The following SCAMP4 variants were observed in gnomAD, a reference collection of about 807,000 sequenced individuals.
The protein encoded by SCAMP4 is secretory carrier membrane protein 4.
Under a neutral mutation model 32.1 loss-of-function variants are expected in SCAMP4, and 19 were observed. The observed-to-expected ratio is 0.59, with a 90% CI of 0.41 to 0.87. The LOEUF (loss-of-function observed/expected upper bound fraction) is 0.87, where lower values mean the gene tolerates loss of function less well. Ranked by LOEUF, SCAMP4 falls within the 40% of genes least tolerant of loss-of-function variation. SCAMP4 has a pLI of 0.00. For synonymous variants in SCAMP4, 152 were observed against 132.7 expected, an observed-to-expected ratio of 1.15 and a Z score of -1.00; for missense variants, 302 against 309.0, an observed-to-expected ratio of 0.98 and a Z score of 0.17.
chr19:1,910,053 T>C (rs960052054), intron 1 of SCAMP4, among the ~76,000 whole-genome samples: 1 of 152,238 alleles, frequency 6.6e-6, no homozygotes, highest in Admixed American at 6.5e-5. Flanking sequence ...ACACTTGGCA[T>C]GCTTGCTTTC....
intron 5 of SCAMP4, chr19:1,922,740 T>G: frequency 9.8e-7 from 1 of 1,019,376 alleles, no homozygotes. Context: ...TGAGGGAAAC[T>G]AATGGGGAAG....
chr19:1,923,776 A>G lies in SCAMP4; in HGVS notation c.514-332A>G, dbSNP rs7248568. 3.0e-3 allele frequency among the ~76,000 whole-genome samples: 366 copies of G among 120,250 alleles called. 16 individuals carry two copies. Among genetic ancestry groups the G allele is most frequent in the African/African-American group, 9.1e-3 (266 of 29,204 alleles). The allele number at this position is 120,250 out of a possible 152,430, so 78.9% of individuals were successfully genotyped here. On this transcript the variant is annotated intron_variant, in intron 6 of 6. Transcript: ENST00000316097. The stretch of plus-strand genomic sequence containing the variant: ...TGGGACTACAGGCGCCCGCTACCGC[A>G]CCTGGCTAATTATTTTGTTTTTGTA...
In SCAMP4 at chr19:1,925,867, C is replaced by T. The variant is rs2014082051; in HGVS notation, c.*1583C>T. 1 of 152,362 alleles carries T rather than the reference C, an allele frequency of 6.6e-6. No individual in the cohort carries two copies. Among genetic ancestry groups the T allele is most frequent in the South Asian group, 2.1e-4 (1 of 4,818 alleles). 9.4% of individuals were successfully genotyped at this position (152,362 alleles called of 1,614,324 possible). A position where few individuals can be genotyped will look rare whatever the true frequency, so the allele number is the denominator to read the frequency against. ...CAAGAGGCACCCCCTTCCCCAGCCT[C>T]TCGCCTGCACTGATGCAGACAAAAT... On this transcript the variant is annotated 3_prime_UTR_variant, in exon 7 of 7. Transcript: ENST00000316097.
chr19:1,925,795 C>CA lies in SCAMP4; in HGVS notation c.*1512dup, dbSNP rs1185320710. 1 of 152,768 alleles carries CA rather than the reference C, an allele frequency of 6.5e-6. No individual in the cohort carries two copies. The highest frequency in any genetic ancestry group is 2.4e-5 in the African/African-American group (1 of 41,428). The allele number at this position is 152,768 out of a possible 1,614,324, so 9.5% of individuals were successfully genotyped here. A position where few individuals can be genotyped will look rare whatever the true frequency, so the allele number is the denominator to read the frequency against. Reference sequence around the variant, plus strand: ...GCCAGGATGGAGCACCCATGGGTCTCACGGCCATGCTTCAGGGTCTTCAGG... The same window carrying CA: ...GCCAGGATGGAGCACCCATGGGTCTCAACGGCCATGCTTCAGGGTCTTCAGG... On this transcript the variant is annotated 3_prime_UTR_variant, in exon 7 of 7. Coordinates refer to ENST00000316097, the MANE Select transcript of SCAMP4 (RefSeq NM_079834.4).
At chr19:1,912,302 C>G in intron 1 of SCAMP4, 1 of 1,561,936 alleles carries the variant, frequency 6.4e-7, no homozygotes, top group Non-Finnish European at 8.6e-7. Context: ...TGCACCCGCT[C>G]CCCGCCCAGC....
chr19:1,913,334 GGGC>G, intron 1 of SCAMP4: 1 of 911,140 alleles, frequency 1.1e-6, no homozygotes. Context: ...TCGGTCATTG[GGGC>G]CACCCCGTGC....
At chr19:1,916,405 A>G (rs1228402501) in intron 2 of SCAMP4, among the ~76,000 whole-genome samples, 1 of 152,100 alleles carries the variant, frequency 6.6e-6, no homozygotes, top group Non-Finnish European at 1.5e-5. Flanking sequence ...CGTTCCTGAG[A>G]CACCTTGATC....
At chr19:1,923,609 A>C (rs2013988238) in intron 6 of SCAMP4, among the ~76,000 whole-genome samples, 2 of 143,204 alleles carry the variant, frequency 1.4e-5, no homozygotes, top group South Asian at 4.3e-4. Context: ...CAGTTACAGC[A>C]AAATGCTTTT....
chr19:1,919,641 C>CGTGT (rs2013856460), intron 5 of SCAMP4: 1 of 163,308 alleles, frequency 6.1e-6, no homozygotes. Flanking sequence ...GGACTACAGG[C>CGTGT]GCCCGCCACC....
At chr19:1,915,059 C>T (rs749554096) in intron 2 of SCAMP4, 33 bp downstream of exon 2, 13 of 1,612,802 alleles carry the variant, frequency 8.1e-6, no homozygotes, top group East Asian at 4.5e-5. Flanking sequence ...CCTCCAGCAG[C>T]GTGGGCGGGA....
chr19:1,920,038 C>T, intron 5 of SCAMP4: 1 of 575,834 alleles, frequency 1.7e-6, no homozygotes, highest in Non-Finnish European at 2.2e-6. Flanking sequence ...GTCTGAAACT[C>T]CTAACCTCGT....
chr19:1,912,853 C>T lies in SCAMP4; in HGVS notation c.-41-2126C>T, dbSNP rs748493151. ...CCCTTCCCCGCCTGCTCCTTCGCCC[C>T]GGCCGCTGCCCCCCAGGCCGTCCGC... On this transcript the variant is annotated intron_variant, in intron 1 of 6. Coordinates refer to ENST00000316097, the MANE Select transcript of SCAMP4 (RefSeq NM_079834.4). 1.2e-5 allele frequency: 19 copies of T among 1,597,092 alleles called. No homozygotes were observed. The highest frequency in any genetic ancestry group is 4.0e-5 in the African/African-American group (3 of 74,686).
chr19:1,918,147 G>A lies in SCAMP4; in HGVS notation c.157G>A (p.Val53Ile), dbSNP rs367794381. Reference protein sequence around the residue: ...LWMFYCATLGVNLIACLAWWI... With the variant: ...LWMFYCATLGINLIACLAWWI... The stretch of plus-strand genomic sequence containing the variant: ...CGCAGTTTACTGCGCCACCCTCGGC[G>A]TCAACCTCATTGCCTGCCTGGCCTG... Residue 53 changes from valine to isoleucine, a missense_variant, in exon 4 of 7, where the codon GTC (valine) becomes ATC (isoleucine). By Grantham distance (29) the Val-to-Ile change is conservative. Transcript: ENST00000316097. 14 of 1,612,544 alleles carry A rather than the reference G, an allele frequency of 8.7e-6. No homozygotes were observed. Among genetic ancestry groups the A allele is most frequent in the Admixed American group, 3.3e-5 (2 of 59,986 alleles).
Position 1,918,298 on chromosome 19 carries a change from C to G in SCAMP4, c.293+15C>G, listed in dbSNP as rs780183186. 2 of 1,580,662 alleles carry G rather than the reference C, an allele frequency of 1.3e-6. No homozygotes were observed. The highest frequency in any genetic ancestry group is 1.7e-5 in the Admixed American group (1 of 57,776). On this transcript the variant is annotated intron_variant, in intron 4 of 6. Transcript: ENST00000316097. ...AAGGCCTTCCGGTGAGCAGAGCTGC[C>G]GGGGGCCGTCTGCACCCAGAGGGAA...
chr19:1,919,590 G>GGGT (rs983616473), intron 5 of SCAMP4: 1 of 389,858 alleles, frequency 2.6e-6, no homozygotes, highest in African/African-American at 2.3e-5. Flanking sequence ...TCCACATCCT[G>GGGT]GGTTCAAGCA....
intron 1 of SCAMP4, chr19:1,911,793 AT>A (rs1341006575): frequency 2.5e-6 from 1 of 407,652 alleles, no homozygotes; most frequent in African/African-American, 2.1e-5. Context: ...AAGTAAAAAA[AT>A]AAAATAAAAA....
Position 1,918,966 on chromosome 19 carries a change from T to C in SCAMP4, c.371T>C (p.Ile124Thr), listed in dbSNP as rs761453054. The change falls in exon 5 of 7, where the codon ATT becomes ACT. Residue 124 changes from isoleucine (I) to threonine (T), a missense_variant. Physicochemically the swap from Ile to Thr is moderately conservative, Grantham distance 89. Coordinates refer to ENST00000316097, the MANE Select transcript of SCAMP4 (RefSeq NM_079834.4). ...TTTGTCCTGACCGTCATCCAGGCGATTGGCTTCTCCGGCTGGGGCGCGTGG... is the reference window on the plus strand; with the variant it reads ...TTTGTCCTGACCGTCATCCAGGCGACTGGCTTCTCCGGCTGGGGCGCGTGG... ...AQFVLTVIQAIGFSGWGACGW... is the reference protein window; with the variant it reads ...AQFVLTVIQATGFSGWGACGW... 3 of 1,611,606 alleles carry C rather than the reference T, an allele frequency of 1.9e-6. No homozygotes were observed. In the East Asian group the frequency reaches 6.7e-5, roughly 36 times the overall value.
Position 1,924,344 on chromosome 19 carries a change from C to G in SCAMP4, c.*60C>G. 1 of 1,487,774 alleles carries G rather than the reference C, an allele frequency of 6.7e-7. No individual in the cohort carries two copies. Among genetic ancestry groups the G allele is most frequent in the Non-Finnish European group, 9.1e-7 (1 of 1,104,322 alleles). The allele number at this position is 1,487,774 out of a possible 1,614,324, so 92.2% of individuals were successfully genotyped here. ...CCTCCCCTTCATTCCTGCTGCTACC[C>G]CTGGTCCCGAGGGCTGGGAGTACCT... is the stretch of plus-strand genomic sequence containing the variant. On this transcript the variant is annotated 3_prime_UTR_variant, in exon 7 of 7. Coordinates refer to ENST00000316097, the MANE Select transcript of SCAMP4 (RefSeq NM_079834.4).
Position 1,924,286 on chromosome 19 carries a change from G to C in SCAMP4, c.*2G>C. The C allele has an allele frequency of 1.3e-6, 2 of 1,586,604 alleles. No homozygotes were observed. Among genetic ancestry groups the C allele is most frequent in the Non-Finnish European group, 1.7e-6 (2 of 1,168,248 alleles). Reference sequence around the variant, plus strand: ...CCGGGCAGTGGCCAGTGGCCTTAGAGGGAGCCTGCCCTGCCCCCACCGCCC... The same window carrying C: ...CCGGGCAGTGGCCAGTGGCCTTAGACGGAGCCTGCCCTGCCCCCACCGCCC... On this transcript the variant is annotated 3_prime_UTR_variant, in exon 7 of 7. Coordinates refer to ENST00000316097, the MANE Select transcript of SCAMP4 (RefSeq NM_079834.4).
Sources: gnomAD v4.1 joint callset for allele counts (sites outside exome capture counted in the v4.1 genomes callset) on GRCh38, gnomAD v4.1.1 for gene constraint, MANE v1.5 for transcripts, NCBI Gene and HGNC (gene_info 2026-07-23, HGNC 2026-07-21) for gene names.